Variants in SGCD observed in about 807,000 individuals in gnomAD.
The protein encoded by SGCD is sarcoglycan delta, also known as delta-sarcoglycan.
Under a neutral mutation model 36.6 loss-of-function variants are expected in SGCD, and 18 were observed. That is an observed-to-expected ratio of 0.49 (90% CI 0.34 to 0.73). The LOEUF (loss-of-function observed/expected upper bound fraction) is 0.73, where lower values mean the gene tolerates loss of function less well. SGCD is among the 30% of genes least tolerant of loss of function. SGCD has a pLI of 0.01. For missense variants in SGCD, 387 were observed against 346.7 expected (o/e 1.12, Z -0.92); for synonymous variants, 133 against 130.6 (o/e 1.02, Z -0.12).
intron 3 of SGCD, among the ~76,000 whole-genome samples, chr5:156,260,504 A>C (rs1581202128): frequency 6.6e-6 from 1 of 152,268 alleles, no homozygotes; most frequent in Admixed American, 6.5e-5. Flanking sequence ...ATGGTATTGT[A>C]AGTTGATTTT....
intron 1 of SGCD, among the ~76,000 whole-genome samples, chr5:155,879,939 G>T (rs556696525): frequency 5.3e-5 from 8 of 152,128 alleles, no homozygotes; most frequent in Non-Finnish European, 1.0e-4. Flanking sequence ...AAGACAAAAA[G>T]ATTTTATTGT....
rs116450073 is a variant in SGCD at position 156,506,893 on chromosome 5, T to C, written c.193-1708T>C. 9.0e-3 allele frequency among the ~76,000 whole-genome samples: 1,365 copies of C among 152,318 alleles called. 12 individuals are homozygous for C. The highest frequency in any genetic ancestry group is 0.03 in the African/African-American group (1,267 of 41,570). ...GATGAGATGAACTTTCTCTGGCTAG[T>C]ATTCCCAGCTAGTAAATTAAGAATA... On this transcript the variant is annotated intron_variant, in intron 3 of 8. Coordinates refer to ENST00000337851, the MANE Select transcript of SGCD (RefSeq NM_000337.6).
chr5:155,778,665 T>A, the SGCD span, among the ~76,000 whole-genome samples: 1 of 152,270 alleles, frequency 6.6e-6, no homozygotes, highest in African/African-American at 2.4e-5. Flanking sequence ...TGGTTTAGCC[T>A]TCATCTCCAG....
chr5:156,341,683 G>GTACA (rs1194988965), intron 2 of SGCD, among the ~76,000 whole-genome samples: 3 of 152,064 alleles, frequency 2.0e-5, no homozygotes, highest in African/African-American at 7.2e-5. Flanking sequence ...CTTAACCTGA[G>GTACA]TACAGATGTG....
intron 3 of SGCD, among the ~76,000 whole-genome samples, chr5:156,423,854 G>A (rs4502803): frequency 0.67 from 101,947 of 151,770 alleles, 34,847 homozygotes; most frequent in Middle Eastern, 0.88. Context: ...TTAACAGTGC[G>A]TACCTCCAAG....
chr5:155,928,742 T>G (rs1436507731), intron 1 of SGCD, among the ~76,000 whole-genome samples: 1 of 149,960 alleles, frequency 6.7e-6, no homozygotes, highest in Non-Finnish European at 1.5e-5. Flanking sequence ...CTTTAGGATC[T>G]CACATTCAAT....
In SGCD at chr5:156,759,225, A is replaced by G. The variant is rs761623268; in HGVS notation, c.708A>G (p.Leu236=). 21 of 1,613,302 alleles carry G rather than the reference A, an allele frequency of 1.3e-5. No individual in the cohort carries two copies. Among genetic ancestry groups the G allele is most frequent in the East Asian group, 2.2e-5 (1 of 44,870 alleles). ...CTATTCTCTGTCTTTAGATTAAGTT[A>G]GATGCTGCGAAAATCAGGCTACCTA... is the stretch of plus-strand genomic sequence containing the variant. The part of the protein sequence containing the change: ...RLESKDGEIK[L]DAAKIRLPRL... The change falls in exon 9 of 9, where the codon TTA becomes TTG. Residue 236 remains leucine, a synonymous_variant. Transcript: ENST00000337851.
At chr5:155,835,669 T>G in the SGCD span, among the ~76,000 whole-genome samples, 1 of 152,260 alleles carries the variant, frequency 6.6e-6, no homozygotes, top group East Asian at 1.9e-4. Context: ...GCAAAAGTAT[T>G]TGCCAATTTT....
At chr5:156,052,600 CA>C (rs1284781266) in intron 1 of SGCD, among the ~76,000 whole-genome samples, 1 of 145,658 alleles carries the variant, frequency 6.9e-6, no homozygotes, top group African/African-American at 2.5e-5. Flanking sequence ...GTGGTAGAAA[CA>C]ATAGAGTTTG....
intron 1 of SGCD, among the ~76,000 whole-genome samples, chr5:156,056,555 A>T (rs1258779222): frequency 4.9e-5 from 7 of 142,712 alleles, no homozygotes; most frequent in Non-Finnish European, 1.6e-5. Flanking sequence ...GAAGACAGCA[A>T]GAAGAACACA....
chr5:156,397,386 C>A (rs1379392180), intron 3 of SGCD, among the ~76,000 whole-genome samples: 1 of 152,178 alleles, frequency 6.6e-6, no homozygotes, highest in Non-Finnish European at 1.5e-5. Flanking sequence ...AAAAACCATT[C>A]TTAGCTCACA....
At chr5:156,500,275 G>T (rs1329252761) in intron 3 of SGCD, among the ~76,000 whole-genome samples, 2 of 152,176 alleles carry the variant, frequency 1.3e-5, no homozygotes, top group Admixed American at 6.5e-5. Context: ...TCACTCTACA[G>T]ATATTTTCTG....
At position 156,344,562 on chromosome 5, in the gene SGCD, G is replaced by A. The variant is rs370189224; in HGVS notation, c.77G>A (p.Gly26Glu). 6.2e-7 allele frequency: 1 copy of A among 1,612,232 alleles called. No homozygotes were observed. Among genetic ancestry groups the A allele is most frequent in the Non-Finnish European group, 8.5e-7 (1 of 1,179,118 alleles). The stretch of plus-strand genomic sequence containing the variant: ...GTGGGGCCACAGGTATACAAGGTGG[G>A]GATTTATGGCTGGCGGAAACGATGC... ...GSVGPQVYKV[G>E]IYGWRKRCLY... The change falls in exon 3 of 9, where the codon GGG (glycine) becomes GAG (glutamate). Residue 26 changes from glycine (G) to glutamate (E), a missense_variant. By Grantham distance (98) the Gly-to-Glu change is moderately conservative. Coordinates refer to ENST00000337851, the MANE Select transcript of SGCD (RefSeq NM_000337.6).
intron 3 of SGCD, among the ~76,000 whole-genome samples, chr5:156,353,265 TTTAAA>T (rs936924066): frequency 5.3e-5 from 8 of 152,338 alleles, no homozygotes; most frequent in East Asian, 1.9e-4. Context: ...AGGCAGTCAC[TTTAAA>T]TTAAAATGTA....
intron 3 of SGCD, among the ~76,000 whole-genome samples, chr5:156,376,058 G>C (rs1046102931): frequency 6.6e-6 from 1 of 152,114 alleles, no homozygotes; most frequent in African/African-American, 2.4e-5. Flanking sequence ...ACCGTGTGAG[G>C]CAAACACTAG....
chr5:156,226,217 G>A (rs189941634), intron 3 of SGCD, among the ~76,000 whole-genome samples: 54 of 151,934 alleles, frequency 3.6e-4, no homozygotes, highest in Admixed American at 3.3e-3. Context: ...CCCTCACCCC[G>A]ACTCCCGCCC....
chr5:156,686,910 G>A (rs560130516), intron 7 of SGCD, among the ~76,000 whole-genome samples: 33 of 152,224 alleles, frequency 2.2e-4, no homozygotes, highest in African/African-American at 7.7e-4. Flanking sequence ...TTTAACAACC[G>A]TGGCTGTGAT....
chr5:156,080,022 A>G (rs1760910131), intron 1 of SGCD, among the ~76,000 whole-genome samples: 1 of 152,228 alleles, frequency 6.6e-6, no homozygotes, highest in Non-Finnish European at 1.5e-5. Flanking sequence ...GCTTTCTGAT[A>G]CATCCTCTGA....
At chr5:156,609,758 T>C (rs1421941972) in intron 6 of SGCD, among the ~76,000 whole-genome samples, 2 of 152,238 alleles carry the variant, frequency 1.3e-5, no homozygotes, top group Non-Finnish European at 2.9e-5. Flanking sequence ...TTATACTTTT[T>C]TCTCTAAACT....
Sources: allele counts gnomAD v4.1 joint callset (sites outside exome capture counted in the v4.1 genomes callset), GRCh38; gene constraint gnomAD v4.1.1; transcripts MANE v1.5; gene names NCBI Gene and HGNC (gene_info 2026-07-23, HGNC 2026-07-21).